NCEH1: variants seen among roughly 807,000 people sequenced by gnomAD.
NCEH1 encodes 2-acetyl MAGE hydrolase.
NCEH1 carries 9 observed loss-of-function variants against 25.4 expected under a neutral mutation model. The observed-to-expected ratio is 0.35, with a 90% CI of 0.21 to 0.62. The LOEUF is 0.62. Ranked by LOEUF, NCEH1 falls within the 20% of genes least tolerant of loss-of-function variation. NCEH1 has a pLI of 0.72. For synonymous variants in NCEH1, 200 were observed against 199.8 expected, an observed-to-expected ratio of 1.00 and a Z score of -0.01; for missense variants, 412 against 501.1, an observed-to-expected ratio of 0.82 and a Z score of 1.70.
chr3:172,685,897 G>T (rs1207574551), intron 1 of NCEH1, among the ~76,000 whole-genome samples: 1 of 152,188 alleles, frequency 6.6e-6, no homozygotes, highest in Non-Finnish European at 1.5e-5. Context: ...GTCAGAGCTG[G>T]AAGGAAAACT....
intron 1 of NCEH1, 85 bp downstream of exon 1, chr3:172,710,762 G>A (rs1714254194): frequency 1.3e-6 from 2 of 1,502,370 alleles, no homozygotes; most frequent in African/African-American, 1.4e-5. Context: ...CTGCGTTTTC[G>A]TGGAACCCGG....
intron 1 of NCEH1, among the ~76,000 whole-genome samples, chr3:172,709,253 A>G (rs996398339): frequency 2.0e-5 from 3 of 152,228 alleles, no homozygotes; most frequent in African/African-American, 7.2e-5. Flanking sequence ...GGTGACCTGA[A>G]AACTAAGAAT....
chr3:172,663,511 A>G (rs566706398), intron 1 of NCEH1, among the ~76,000 whole-genome samples: 20 of 151,388 alleles, frequency 1.3e-4, no homozygotes, highest in Admixed American at 1.2e-3. Flanking sequence ...AGTCCTGGAT[A>G]TTTTTATTAA....
chr3:172,653,740 T>TG (rs35227369), intron 1 of NCEH1, among the ~76,000 whole-genome samples: 32,703 of 92,092 alleles, frequency 0.36, 4,396 homozygotes, highest in East Asian at 0.5. Context: ...GTTCTGTTTT[T>TG]TTTGTTTTTT....
intron 3 of NCEH1, among the ~76,000 whole-genome samples, chr3:172,641,166 T>A (rs1468143635): frequency 7.2e-5 from 11 of 152,296 alleles, no homozygotes; most frequent in Admixed American, 7.2e-4. Context: ...TAAACTGCAC[T>A]GAAATTTATA....
chr3:172,637,978 T>A (rs572063475), intron 3 of NCEH1, among the ~76,000 whole-genome samples: 1 of 151,942 alleles, frequency 6.6e-6, no homozygotes, highest in Non-Finnish European at 1.5e-5. Flanking sequence ...ACCCAGGAAG[T>A]GGAAGTTGCA....
intron 3 of NCEH1, among the ~76,000 whole-genome samples, chr3:172,643,207 C>T (rs1364701430): frequency 1.3e-5 from 2 of 152,090 alleles, no homozygotes; most frequent in African/African-American, 4.8e-5. Flanking sequence ...TCCCAAAGTG[C>T]TGGGATACAG....
At chr3:172,649,111 C>T (rs961829171) in intron 1 of NCEH1, among the ~76,000 whole-genome samples, 2 of 152,164 alleles carry the variant, frequency 1.3e-5, no homozygotes, top group Non-Finnish European at 2.9e-5. Flanking sequence ...CAGCGTACGA[C>T]GGTACACCTT....
At chr3:172,644,257 T>TGAGTGACTCTAGGGCTGTG (rs1717011036) in intron 3 of NCEH1, among the ~76,000 whole-genome samples, 1 of 79,744 alleles carries the variant, frequency 1.3e-5, no homozygotes. Flanking sequence ...CTAGGGCTTT[T>TGAGTGACTCTAGGGCTGTG]GGGTGACTCT....
At chr3:172,698,846 G>T (rs1713526901) in intron 1 of NCEH1, among the ~76,000 whole-genome samples, 1 of 152,218 alleles carries the variant, frequency 6.6e-6, no homozygotes, top group Non-Finnish European at 1.5e-5. Flanking sequence ...GAAGCACGTG[G>T]AAGCACAGGG....
intron 1 of NCEH1, among the ~76,000 whole-genome samples, chr3:172,696,500 C>G (rs992633347): frequency 6.6e-6 from 1 of 152,168 alleles, no homozygotes; most frequent in East Asian, 1.9e-4. Flanking sequence ...ATGATGATAA[C>G]AATGAACAAT....
chr3:172,640,608 C>T (rs914211178), intron 3 of NCEH1, among the ~76,000 whole-genome samples: 4 of 151,990 alleles, frequency 2.6e-5, no homozygotes, highest in African/African-American at 7.3e-5. Context: ...CCCAGGTTCA[C>T]GCCATTCTCC....
intron 1 of NCEH1, among the ~76,000 whole-genome samples, chr3:172,673,347 C>T (rs908394190): frequency 1.3e-5 from 2 of 152,114 alleles, no homozygotes; most frequent in African/African-American, 4.8e-5. Flanking sequence ...AGCTCTTAGC[C>T]GGCAAACAGC....
intron 1 of NCEH1, among the ~76,000 whole-genome samples, chr3:172,663,516 T>C (rs534090948): frequency 6.6e-6 from 1 of 152,006 alleles, no homozygotes; most frequent in East Asian, 1.9e-4. Context: ...TGGATATTTT[T>C]ATTAACTTTC....
chr3:172,640,547 G>A (rs563510516), intron 3 of NCEH1, among the ~76,000 whole-genome samples: 6 of 151,498 alleles, frequency 4.0e-5, no homozygotes, highest in Non-Finnish European at 7.4e-5. Flanking sequence ...TCGCTCTGTC[G>A]CCCAGGCTGG....
chr3:172,643,831 A>G (rs1716978903), intron 3 of NCEH1, among the ~76,000 whole-genome samples: 1 of 152,164 alleles, frequency 6.6e-6, no homozygotes, highest in African/African-American at 2.4e-5. Context: ...CAAGAAACCA[A>G]CTGAATGGCC....
intron 1 of NCEH1, among the ~76,000 whole-genome samples, chr3:172,683,900 T>C (rs767762605): frequency 1.3e-4 from 19 of 151,764 alleles, no homozygotes; most frequent in Non-Finnish European, 2.5e-4. Context: ...TTTACCACAG[T>C]AGTGTTACTT....
chr3:172,648,135 TAAAG>T (rs1342507011), intron 1 of NCEH1, 21 bp from the exon 2 acceptor site: 2 of 1,613,230 alleles, frequency 1.2e-6, no homozygotes, highest in Admixed American at 1.7e-5. Flanking sequence ...AGGGAGGAAA[TAAAG>T]AGGGAGGGCG....
chr3:172,658,892 A>G (rs1391759893), intron 1 of NCEH1, among the ~76,000 whole-genome samples: 1 of 112,290 alleles, frequency 8.9e-6, no homozygotes, highest in Non-Finnish European at 1.7e-5. Flanking sequence ...GAAAACAAGT[A>G]GTTTCCATAT....
Sources: gnomAD v4.1 joint callset for allele counts (sites outside exome capture counted in the v4.1 genomes callset) on GRCh38, gnomAD v4.1.1 for gene constraint, MANE v1.5 for transcripts, NCBI Gene and HGNC (gene_info 2026-07-23, HGNC 2026-07-21) for gene names.